The following HACL1 variants were observed in gnomAD, a reference collection of about 807,000 sequenced individuals.
The protein encoded by HACL1 is 1600020H07Rik.
HACL1 carries 64 observed loss-of-function variants against 74.2 expected under a neutral mutation model. The observed-to-expected ratio is 0.86, with a 90% CI of 0.70 to 1.06. The LOEUF (loss-of-function observed/expected upper bound fraction) is 1.06, where lower values mean the gene tolerates loss of function less well. HACL1 is among the 50% of genes least tolerant of loss of function. HACL1 has a pLI of 0.00. For synonymous variants in HACL1, 230 were observed against 238.8 expected, an observed-to-expected ratio of 0.96 and a Z score of 0.34; for missense variants, 728 against 719.7, an observed-to-expected ratio of 1.01 and a Z score of -0.13.
intron 15 of HACL1, 131 bp downstream of exon 15, chr3:15,564,420 T>C (rs1290909762): frequency 3.4e-6 from 2 of 593,210 alleles, no homozygotes; most frequent in Non-Finnish European, 6.1e-6. Flanking sequence ...TCCTTCTCTT[T>C]AGAAGGGCTG....
intron 4 of HACL1, 105 bp from the exon 5 acceptor site, chr3:15,589,717 GA>G: frequency 1.3e-6 from 1 of 769,280 alleles, no homozygotes; most frequent in Non-Finnish European, 2.2e-6. Flanking sequence ...TAAAGGGAGA[GA>G]ATATTATATT....
chr3:15,591,550 C>G, intron 4 of HACL1, 50 bp downstream of exon 4: 1 of 1,095,992 alleles, frequency 9.1e-7, no homozygotes, highest in Non-Finnish European at 1.4e-6. Context: ...CAGTAAAATC[C>G]TGCAGTGACC....
chr3:15,594,638 C>A (rs917495599), intron 3 of HACL1, among the ~76,000 whole-genome samples: 2 of 152,192 alleles, frequency 1.3e-5, no homozygotes, highest in Admixed American at 1.3e-4. Context: ...AAATGTTCTG[C>A]ATTTGCAGTA....
At chr3:15,596,004 G>T (rs2064056367) in intron 3 of HACL1, 1 of 161,034 alleles carries the variant, frequency 6.2e-6, no homozygotes. Flanking sequence ...TAAAAAGGGG[G>T]TGGTAGTTAG....
At chr3:15,586,668 A>G in intron 5 of HACL1, 66 bp from the exon 6 acceptor site, 1 of 893,742 alleles carries the variant, frequency 1.1e-6, no homozygotes. Flanking sequence ...GAAAGAAGAC[A>G]AAATGTTAAG....
intron 6 of HACL1, among the ~76,000 whole-genome samples, chr3:15,585,765 C>G (rs1401072630): frequency 1.1e-4 from 17 of 152,160 alleles, no homozygotes. Flanking sequence ...AATGTAATTT[C>G]ACGTATAAAT....
intron 16 of HACL1, among the ~76,000 whole-genome samples, 169 bp from the exon 17 acceptor site, chr3:15,561,066 A>G (rs1161728567): frequency 6.6e-6 from 1 of 152,240 alleles, no homozygotes; most frequent in Non-Finnish European, 1.5e-5. Flanking sequence ...CCTATTAGTG[A>G]ATCTTCCTGC....
intron 8 of HACL1, among the ~76,000 whole-genome samples, chr3:15,581,982 AG>A: frequency 6.6e-6 from 1 of 152,354 alleles, no homozygotes; most frequent in African/African-American, 2.4e-5. Context: ...AAGCAATCTG[AG>A]ACTCAAAGCA....
chr3:15,598,784 C>T (rs1370029567), intron 2 of HACL1, among the ~76,000 whole-genome samples: 7 of 152,354 alleles, frequency 4.6e-5, no homozygotes, highest in East Asian at 1.9e-4. Context: ...TCTGTCACTA[C>T]CCTTAGTTCA....
At chr3:15,586,641 A>C (rs1302577604) in intron 5 of HACL1, 39 bp from the exon 6 acceptor site, 1 of 1,139,712 alleles carries the variant, frequency 8.8e-7, no homozygotes, top group Non-Finnish European at 1.3e-6. Flanking sequence ...TTCAGCTCAC[A>C]ATCATGTTAC....
chr3:15,572,161 A>G (rs1375475703), intron 11 of HACL1, among the ~76,000 whole-genome samples: 1 of 152,008 alleles, frequency 6.6e-6, no homozygotes, highest in Non-Finnish European at 1.5e-5. Context: ...AATAAATTTA[A>G]ATCATATTAA....
intron 5 of HACL1, among the ~76,000 whole-genome samples, chr3:15,587,703 T>G (rs2125269437): frequency 6.6e-6 from 1 of 152,344 alleles, no homozygotes; most frequent in Non-Finnish European, 1.5e-5. Flanking sequence ...CATAAGCATC[T>G]TTTAAATAAC....
Position 15,582,862 on chromosome 3 carries a change from T to A in HACL1, c.667+15A>T. 1 of 1,324,786 alleles carries A rather than the reference T, an allele frequency of 7.5e-7. No homozygotes were observed. Among genetic ancestry groups the A allele is most frequent in the Non-Finnish European group, 1.1e-6 (1 of 920,042 alleles). 82.1% of individuals were successfully genotyped at this position (1,324,786 alleles called of 1,614,324 possible). A position where few individuals can be genotyped will look rare whatever the true frequency, so the allele number is the denominator to read the frequency against. ...TTCAAAAGCCTAGCAAGATTTAGAG[T>A]TCTATTCATGCTACCTTTCCCGATG... On this transcript the variant is annotated intron_variant, in intron 8 of 16. Coordinates refer to ENST00000321169, the MANE Select transcript of HACL1 (RefSeq NM_012260.4).
intron 9 of HACL1, among the ~76,000 whole-genome samples, chr3:15,575,505 T>A (rs1013063490): frequency 1.3e-5 from 2 of 152,156 alleles, no homozygotes; most frequent in South Asian, 4.1e-4. Flanking sequence ...CATTTTTACA[T>A]AGTTGAGCTT....
chr3:15,571,772 T>TAAAA lies in HACL1; in HGVS notation c.994-7_994-4dup. 3.6e-6 allele frequency: 3 copies of TAAAA among 829,826 alleles called. No homozygotes were observed. The highest frequency in any genetic ancestry group is 5.6e-6 in the Non-Finnish European group (3 of 538,762). 51.4% of individuals were successfully genotyped at this position (829,826 alleles called of 1,614,324 possible). A position where few individuals can be genotyped will look rare whatever the true frequency, so the allele number is the denominator to read the frequency against. On this transcript the variant is annotated splice_region_variant and splice_polypyrimidine_tract_variant and intron_variant, in intron 11 of 16. Coordinates refer to ENST00000321169, the MANE Select transcript of HACL1 (RefSeq NM_012260.4). ...GTTTTATCAAGTTCCTCTAAAAGCT[T>TAAAA]AAAAAAAAAAAAACACACACACACA...
chr3:15,591,845 GATAT>G (rs998172089), intron 3 of HACL1, among the ~76,000 whole-genome samples, 165 bp from the exon 4 acceptor site: 1 of 149,886 alleles, frequency 6.7e-6, no homozygotes, highest in Non-Finnish European at 1.5e-5. Context: ...AAAACAAGGC[GATAT>G]ATATATATCG....
At chr3:15,566,187 C>A (rs2063431257) in intron 14 of HACL1, among the ~76,000 whole-genome samples, 1 of 152,092 alleles carries the variant, frequency 6.6e-6, no homozygotes, top group Non-Finnish European at 1.5e-5. Flanking sequence ...TCACAAAAGC[C>A]CTAATAAGAG....
intron 2 of HACL1, chr3:15,600,875 T>A: frequency 1.7e-6 from 1 of 605,618 alleles, no homozygotes; most frequent in Non-Finnish European, 3.0e-6. Flanking sequence ...GCTCTGCTAC[T>A]ACCAGCTGTG....
In HACL1 at chr3:15,574,964, CCTCT is replaced by C. The variant is rs770483450; in HGVS notation, c.909+9_909+12del. ...TAGACATTTCTGATTTTAAGTTCCT[CCTCT>C]CTAAGTACCTGGATAAACTTCACAT... On this transcript the variant is annotated intron_variant, in intron 10 of 16. Coordinates refer to ENST00000321169, the MANE Select transcript of HACL1 (RefSeq NM_012260.4). The C allele has an allele frequency of 1.5e-5, 18 of 1,208,812 alleles. No individual in the cohort carries two copies. The highest frequency in any genetic ancestry group is 3.0e-5 in the African/African-American group (2 of 67,378). The allele number at this position is 1,208,812 out of a possible 1,614,324, so 74.9% of individuals were successfully genotyped here. A position where few individuals can be genotyped will look rare whatever the true frequency, so the allele number is the denominator to read the frequency against.
Sources: gnomAD v4.1 joint callset for allele counts (sites outside exome capture counted in the v4.1 genomes callset) on GRCh38, gnomAD v4.1.1 for gene constraint, MANE v1.5 for transcripts, NCBI Gene and HGNC (gene_info 2026-07-23, HGNC 2026-07-21) for gene names.